The following STOX2 variants were observed in gnomAD, a reference collection of about 807,000 sequenced individuals.
STOX2 encodes storkhead-box protein 2.
In STOX2, 28 loss-of-function variants were observed where a neutral mutation model predicts 60.9. The observed-to-expected ratio is 0.46, with a 90% CI of 0.34 to 0.63. The LOEUF is 0.63. Among genes scored for constraint, STOX2 ranks in the 30% least tolerant of loss-of-function variants. The pLI is 0.01. For missense variants in STOX2, 1,024 were observed against 1,187.7 expected (o/e 0.86, Z 2.03); for synonymous variants, 472 against 463.9 (o/e 1.02, Z -0.22).
At chr4:183,813,045 T>C (rs926917413) in intron 1 of STOX2, among the ~76,000 whole-genome samples, 3 of 152,192 alleles carry the variant, frequency 2.0e-5, no homozygotes, top group African/African-American at 2.4e-5. Flanking sequence ...GGGCCACAGA[T>C]TCAGCCAATG....
At chr4:183,984,776 A>T (rs532323686) in intron 1 of STOX2, among the ~76,000 whole-genome samples, 3 of 152,018 alleles carry the variant, frequency 2.0e-5, no homozygotes, top group African/African-American at 7.2e-5. Context: ...TGAGCAAATC[A>T]CCTCTGCGGT....
chr4:183,815,070 G>C (rs889506850), intron 1 of STOX2, among the ~76,000 whole-genome samples: 30 of 152,038 alleles, frequency 2.0e-4, no homozygotes, highest in African/African-American at 7.3e-4. Flanking sequence ...TGTGATCATA[G>C]CTTGCTGTGG....
At position 184,018,515 on chromosome 4, in the gene STOX2, C is replaced by T. The variant is rs1216153191; in HGVS notation, c.*1231C>T. 5.3e-5 allele frequency: 8 copies of T among 152,216 alleles called. No individual in the cohort carries two copies. The highest frequency in any genetic ancestry group is 4.1e-4 in the South Asian group (2 of 4,822). The allele number at this position is 152,216 out of a possible 1,614,324, so 9.4% of individuals were successfully genotyped here. ...CTCATTCTGCTAGTGCGGTATAATC[C>T]GAATTTGTACTCCCCTAAAATTTAT... On this transcript the variant is annotated 3_prime_UTR_variant, in exon 4 of 4. Coordinates refer to ENST00000308497, the MANE Select transcript of STOX2 (RefSeq NM_020225.3).
At chr4:183,870,319 T>C (rs1740660030) in intron 1 of STOX2, among the ~76,000 whole-genome samples, 1 of 152,252 alleles carries the variant, frequency 6.6e-6, no homozygotes, top group Non-Finnish European at 1.5e-5. Flanking sequence ...AAATGACTGC[T>C]TGTAGTAACG....
chr4:183,813,757 A>G (rs1479245398), intron 1 of STOX2, among the ~76,000 whole-genome samples: 1 of 152,224 alleles, frequency 6.6e-6, no homozygotes, highest in Non-Finnish European at 1.5e-5. Flanking sequence ...GGTAGAGTCA[A>G]TGCTAATTGG....
intron 1 of STOX2, among the ~76,000 whole-genome samples, chr4:183,860,085 A>AT (rs1242268989): frequency 3.6e-4 from 48 of 134,732 alleles, no homozygotes; most frequent in Non-Finnish European, 6.2e-4. Flanking sequence ...TTAAAATCAT[A>AT]TTCTTTTTTT....
At chr4:184,002,134 C>T (rs1733618583) in intron 2 of STOX2, among the ~76,000 whole-genome samples, 1 of 152,140 alleles carries the variant, frequency 6.6e-6, no homozygotes, top group Non-Finnish European at 1.5e-5. Flanking sequence ...CCAGAGTTGC[C>T]AATCTCATGT....
At chr4:183,948,540 CTTTTTTTTTTT>C (rs10687778) in intron 1 of STOX2, among the ~76,000 whole-genome samples, 1 of 78,182 alleles carries the variant, frequency 1.3e-5, no homozygotes, top group Non-Finnish European at 2.3e-5. Flanking sequence ...ATGCCTTATC[CTTTTTTTTTTT>C]TTTTTTTTTT....
intron 1 of STOX2, among the ~76,000 whole-genome samples, chr4:183,954,169 C>T (rs530953362): frequency 3.3e-5 from 5 of 152,272 alleles, no homozygotes; most frequent in East Asian, 1.9e-4. Context: ...TCCACTGCAC[C>T]GTGGAGCACT....
chr4:184,015,013 A>G (rs1303512371), intron 3 of STOX2: 5 of 152,208 alleles, frequency 3.3e-5, no homozygotes, highest in Non-Finnish European at 5.9e-5. Flanking sequence ...GCGAACCCAC[A>G]GTCACTATTT....
At chr4:183,913,126 G>A (rs184878597) in intron 1 of STOX2, among the ~76,000 whole-genome samples, 7 of 152,192 alleles carry the variant, frequency 4.6e-5, no homozygotes, top group East Asian at 3.9e-4. Context: ...GAAGTGGGTC[G>A]ATTTGAAGAG....
intron 1 of STOX2, among the ~76,000 whole-genome samples, chr4:183,848,468 G>A (rs532659913): frequency 3.3e-5 from 5 of 152,244 alleles, no homozygotes; most frequent in East Asian, 1.9e-4. Flanking sequence ...ATGTTCACTC[G>A]TATATCCATC....
chr4:183,917,761 A>G (rs895679613), intron 1 of STOX2, among the ~76,000 whole-genome samples: 2 of 152,182 alleles, frequency 1.3e-5, no homozygotes, highest in Non-Finnish European at 2.9e-5. Flanking sequence ...GCTTCTGTCT[A>G]TGTTCATCAA....
At chr4:183,805,123 C>CCCT (rs1738856377) in intron 1 of STOX2, among the ~76,000 whole-genome samples, 1 of 152,178 alleles carries the variant, frequency 6.6e-6, no homozygotes, top group Admixed American at 6.5e-5. Flanking sequence ...CTATTTGCTG[C>CCCT]AAGGAATTTT....
intron 1 of STOX2, among the ~76,000 whole-genome samples, chr4:183,828,052 T>C (rs1319208093): frequency 6.6e-6 from 1 of 152,246 alleles, no homozygotes; most frequent in African/African-American, 2.4e-5. Context: ...GTTCATTTGT[T>C]CAAATCAGGA....
intron 1 of STOX2, among the ~76,000 whole-genome samples, chr4:183,983,230 G>T (rs1203340370): frequency 6.6e-6 from 1 of 152,128 alleles, no homozygotes; most frequent in Non-Finnish European, 1.5e-5. Context: ...CCTTCCTGAA[G>T]CACCTCTCAG....
chr4:183,981,920 A>T (rs1001910803), intron 1 of STOX2, among the ~76,000 whole-genome samples: 1 of 152,252 alleles, frequency 6.6e-6, no homozygotes, highest in Admixed American at 6.5e-5. Context: ...CCTGGGCAAC[A>T]GAGTGAGACT....
chr4:183,886,767 G>A (rs777535541), intron 1 of STOX2, among the ~76,000 whole-genome samples: 1 of 152,058 alleles, frequency 6.6e-6, no homozygotes, highest in Non-Finnish European at 1.5e-5. Flanking sequence ...AAGCACAGAC[G>A]TCTCATTAGT....
intron 1 of STOX2, among the ~76,000 whole-genome samples, chr4:183,859,516 G>C (rs986266877): frequency 1.3e-5 from 2 of 152,208 alleles, no homozygotes; most frequent in African/African-American, 4.8e-5. Flanking sequence ...AGCCTGGGAA[G>C]GGCAGGGGCC....
Sources: gnomAD v4.1 joint callset for allele counts (sites outside exome capture counted in the v4.1 genomes callset) on GRCh38, gnomAD v4.1.1 for gene constraint, MANE v1.5 for transcripts, NCBI Gene and HGNC (gene_info 2026-07-23, HGNC 2026-07-21) for gene names.